Variants in YAP1 observed in about 807,000 individuals in gnomAD.
YAP1 encodes the protein transcriptional coactivator YAP1.
In YAP1, 5 loss-of-function variants were observed where a neutral mutation model predicts 56.9. The observed-to-expected ratio is 0.09, with a 90% CI of 0.05 to 0.18. The LOEUF is 0.18. Among genes scored for constraint, YAP1 ranks in the 10% least tolerant of loss-of-function variants. YAP1 has a pLI of 1.00. For synonymous variants in YAP1, 265 were observed against 248.1 expected, an observed-to-expected ratio of 1.07 and a Z score of -0.64; for missense variants, 539 against 651.8, an observed-to-expected ratio of 0.83 and a Z score of 1.88.
At chr11:102,122,895 C>CAAAAAAAAAAAAAAAAAAAAAAAAAAA (rs56934997) in intron 2 of YAP1, among the ~76,000 whole-genome samples, 5 of 79,458 alleles carry the variant, frequency 6.3e-5, no homozygotes, top group Admixed American at 1.6e-4. Context: ...AGACTTCTCT[C>CAAAAAAAAAAAAAAAAAAAAAAAAAAA]AAAAAAAAAA....
At chr11:102,137,773 T>C (rs534345596) in intron 2 of YAP1, among the ~76,000 whole-genome samples, 2 of 151,042 alleles carry the variant, frequency 1.3e-5, no homozygotes, top group Admixed American at 6.6e-5. Flanking sequence ...TTTAAAGTCA[T>C]GGAGTTCCTT....
chr11:102,186,592 G>A (rs1356472221), intron 4 of YAP1: 1 of 154,796 alleles, frequency 6.5e-6, no homozygotes, highest in African/African-American at 2.4e-5. Context: ...CCATCCTAAG[G>A]AGGAACATGT....
chr11:102,143,526 A>G (rs1040838397), intron 2 of YAP1, among the ~76,000 whole-genome samples: 7 of 151,964 alleles, frequency 4.6e-5, no homozygotes, highest in African/African-American at 1.7e-4. Flanking sequence ...TAGCCAGCAC[A>G]CCCCCCATAT....
chr11:102,125,384 T>C (rs1353812321), intron 2 of YAP1, among the ~76,000 whole-genome samples: 5 of 150,032 alleles, frequency 3.3e-5, no homozygotes, highest in South Asian at 4.3e-4. Context: ...TTTTCTTTTT[T>C]TTTTTTTTTT....
intron 2 of YAP1, among the ~76,000 whole-genome samples, chr11:102,158,833 G>A: frequency 6.6e-6 from 1 of 152,114 alleles, no homozygotes; most frequent in East Asian, 1.9e-4. Flanking sequence ...TGATTATGTT[G>A]TTCAGTGTTC....
At chr11:102,206,412 G>T (rs1412370785) in intron 5 of YAP1, among the ~76,000 whole-genome samples, 1 of 152,164 alleles carries the variant, frequency 6.6e-6, no homozygotes, top group Non-Finnish European at 1.5e-5. Flanking sequence ...TTCACTAAAG[G>T]GGAAATTCTA....
rs191769165 is a variant in YAP1, at chr11:102,233,394, G to A, written c.*3454G>A. 1.1e-4 allele frequency: 17 copies of A among 151,040 alleles called. No homozygotes were observed. In the East Asian group the frequency reaches 3.1e-3, roughly 28 times the overall value. The allele number at this position is 151,040 out of a possible 1,614,324, so 9.4% of individuals were successfully genotyped here. A position where few individuals can be genotyped will look rare whatever the true frequency, so the allele number is the denominator to read the frequency against. ...GTAATACCTTTTTGTTTGTTTATGT[G>A]GTTCAAATATATTCTTTCCTTAAAC... On this transcript the variant is annotated 3_prime_UTR_variant, in exon 9 of 9. Coordinates refer to ENST00000282441, the MANE Select transcript of YAP1 (RefSeq NM_001130145.3).
intron 2 of YAP1, among the ~76,000 whole-genome samples, chr11:102,137,475 T>C (rs1016254100): frequency 1.3e-5 from 2 of 152,204 alleles, no homozygotes; most frequent in Non-Finnish European, 2.9e-5. Context: ...ATGGGTAGAA[T>C]TTAGGTGATG....
intron 3 of YAP1, among the ~76,000 whole-genome samples, chr11:102,162,820 C>T (rs1181042009): frequency 1.3e-5 from 2 of 152,254 alleles, no homozygotes; most frequent in Middle Eastern, 3.4e-3. Context: ...GGTTCTGAAG[C>T]GGGTATCTCA....
At chr11:102,115,554 GT>G (rs35987047) in intron 2 of YAP1, among the ~76,000 whole-genome samples, 2 of 150,786 alleles carry the variant, frequency 1.3e-5, no homozygotes, top group East Asian at 1.9e-4. Context: ...AGTTCGTACA[GT>G]TTTTTTTTGC....
At chr11:102,195,688 G>A (rs886424525) in intron 4 of YAP1, among the ~76,000 whole-genome samples, 4 of 152,192 alleles carry the variant, frequency 2.6e-5, no homozygotes, top group African/African-American at 9.7e-5. Context: ...ATGTGAAGGA[G>A]TACATGTTTG....
chr11:102,139,578 A>C (rs1175245519), intron 2 of YAP1, among the ~76,000 whole-genome samples: 1 of 152,202 alleles, frequency 6.6e-6, no homozygotes, highest in East Asian at 1.9e-4. Context: ...GATATAAGCT[A>C]GTTTTTGGGT....
intron 2 of YAP1, among the ~76,000 whole-genome samples, chr11:102,154,780 TG>T (rs1311837751): frequency 2.0e-5 from 3 of 152,206 alleles, no homozygotes; most frequent in Non-Finnish European, 4.4e-5. Flanking sequence ...TGTTACTTAT[TG>T]GTAATTTAAC....
chr11:102,169,078 A>C lies in YAP1; in HGVS notation c.688+6507A>C, dbSNP rs146368187. 9.7e-3 allele frequency among the ~76,000 whole-genome samples: 1,480 copies of C among 152,334 alleles called. 10 individuals are homozygous for C. Among genetic ancestry groups the C allele is most frequent in the Middle Eastern group, 0.027 (8 of 294 alleles). ...CTGGAAATCCCATGGACCTGATTTG[A>C]ATCCCAGGCGTCATCTATTGTCCAT... is the stretch of plus-strand genomic sequence containing the variant. On this transcript the variant is annotated intron_variant, in intron 3 of 8. Transcript: ENST00000282441.
At chr11:102,201,650 T>C (rs1948866706) in intron 4 of YAP1, among the ~76,000 whole-genome samples, 1 of 152,138 alleles carries the variant, frequency 6.6e-6, no homozygotes, top group African/African-American at 2.4e-5. Flanking sequence ...ATTGCGTATG[T>C]ATAGAGGACA....
intron 4 of YAP1, among the ~76,000 whole-genome samples, chr11:102,203,779 A>G (rs1948994153): frequency 6.6e-6 from 1 of 152,238 alleles, no homozygotes; most frequent in African/African-American, 2.4e-5. Flanking sequence ...TTTGGAATAG[A>G]ACAGTCATGA....
intron 2 of YAP1, among the ~76,000 whole-genome samples, chr11:102,145,158 A>G (rs1462782871): frequency 6.6e-6 from 1 of 152,032 alleles, no homozygotes; most frequent in African/African-American, 2.4e-5. Flanking sequence ...TGAGACTGTG[A>G]CCTCTTGATC....
At chr11:102,180,158 C>T (rs1163580120) in intron 3 of YAP1, among the ~76,000 whole-genome samples, 6 of 151,594 alleles carry the variant, frequency 4.0e-5, no homozygotes, top group Non-Finnish European at 4.4e-5. Flanking sequence ...TACAGGTGTG[C>T]GCCACCACAC....
intron 2 of YAP1, among the ~76,000 whole-genome samples, chr11:102,142,969 G>A (rs1159870662): frequency 6.6e-6 from 1 of 152,064 alleles, no homozygotes; most frequent in Non-Finnish European, 1.5e-5. Context: ...CTTAACGTGT[G>A]TTACCTCTTT....
Sources: gnomAD v4.1 joint callset for allele counts (sites outside exome capture counted in the v4.1 genomes callset) on GRCh38, gnomAD v4.1.1 for gene constraint, MANE v1.5 for transcripts, NCBI Gene and HGNC (gene_info 2026-07-23, HGNC 2026-07-21) for gene names.